Variants in RALYL observed in about 807,000 individuals in gnomAD.
RALYL encodes the protein RALY RNA binding protein like.
A neutral mutation model predicts 35.1 loss-of-function variants in RALYL; 29 were observed. That is an observed-to-expected ratio of 0.83 (90% CI 0.61 to 1.13). RALYL has a LOEUF of 1.13. RALYL is among the 50% of genes most tolerant of loss of function. The pLI is 0.00. For synonymous variants in RALYL, 120 were observed against 127.6 expected (o/e 0.94, Z 0.40); for missense variants, 359 against 360.4 (o/e 1.00, Z 0.03).
chr8:84,203,480 C>G (rs929071510), intron 1 of RALYL, among the ~76,000 whole-genome samples: 1 of 152,054 alleles, frequency 6.6e-6, no homozygotes, highest in Non-Finnish European at 1.5e-5. Flanking sequence ...AGTGGTGCTG[C>G]TTAAAATATA....
At chr8:84,489,915 G>A (rs1397490303) in intron 1 of RALYL, among the ~76,000 whole-genome samples, 2 of 151,956 alleles carry the variant, frequency 1.3e-5, no homozygotes, top group African/African-American at 2.4e-5. Flanking sequence ...CAAGAAACAG[G>A]CCGAATTAGG....
At chr8:84,759,670 A>C (rs569579183) in intron 2 of RALYL, among the ~76,000 whole-genome samples, 2 of 152,298 alleles carry the variant, frequency 1.3e-5, no homozygotes, top group East Asian at 3.9e-4. Flanking sequence ...CAGGTTACTC[A>C]TCTCTTTTGC....
chr8:84,747,781 A>C (rs10092646), intron 2 of RALYL, among the ~76,000 whole-genome samples: 40,833 of 151,806 alleles, frequency 0.27, 5,900 homozygotes, highest in African/African-American at 0.35. Context: ...TACTTAGGAA[A>C]AGAGTTACTA....
intron 1 of RALYL, among the ~76,000 whole-genome samples, chr8:84,305,727 A>G (rs1841661439): frequency 6.6e-6 from 1 of 152,190 alleles, no homozygotes; most frequent in South Asian, 2.1e-4. Flanking sequence ...GTTGGTTGGT[A>G]ATTGAATATA....
chr8:84,721,092 G>A (rs1025729691), intron 2 of RALYL, among the ~76,000 whole-genome samples: 2 of 151,940 alleles, frequency 1.3e-5, no homozygotes, highest in South Asian at 2.1e-4. Context: ...ATAAGATGGG[G>A]CAAGATGGCT....
In RALYL at chr8:84,543,495, T is replaced by TA. The variant is rs1419987256; in HGVS notation, c.256+13926dup. Among the ~76,000 whole-genome samples, 24 of 126,566 alleles carry TA rather than the reference T, an allele frequency of 1.9e-4. 2 individuals carry two copies. The South Asian group carries it at 5.7e-3, about 30-fold the overall frequency. 83.0% of individuals were successfully genotyped at this position (126,566 alleles called of 152,430 possible). A position where few individuals can be genotyped will look rare whatever the true frequency, so the allele number is the denominator to read the frequency against. Reference sequence around the variant, plus strand: ...TCTGTTCCCCAAAAATCTATGGAAATAAAAAAAATAAAAAAAAACAACTTA... The same window carrying TA: ...TCTGTTCCCCAAAAATCTATGGAAATAAAAAAAAATAAAAAAAAACAACTTA... On this transcript the variant is annotated intron_variant, in intron 2 of 8. Transcript: ENST00000521268.
intron 1 of RALYL, among the ~76,000 whole-genome samples, chr8:84,196,699 C>G (rs1310801040): frequency 6.6e-6 from 1 of 152,040 alleles, no homozygotes; most frequent in Non-Finnish European, 1.5e-5. Context: ...TTTTCAAACT[C>G]CTTTTGGCAT....
intron 1 of RALYL, among the ~76,000 whole-genome samples, chr8:84,233,622 C>T (rs1324878298): frequency 6.6e-6 from 1 of 152,172 alleles, no homozygotes; most frequent in Non-Finnish European, 1.5e-5. Flanking sequence ...AAACTCAAAA[C>T]CCTGGAGTTT....
chr8:84,785,144 C>T (rs1296279358), intron 3 of RALYL, among the ~76,000 whole-genome samples: 4 of 152,154 alleles, frequency 2.6e-5, no homozygotes, highest in Middle Eastern at 3.4e-3. Flanking sequence ...ATAATTTTAA[C>T]TTTTGTTTTA....
rs1823345243 is a variant in RALYL at position 84,628,956 on chromosome 8, AC to A, written c.256+99380del. On this transcript the variant is annotated intron_variant, in intron 2 of 8. Coordinates refer to ENST00000521268, the MANE Select transcript of RALYL (RefSeq NM_173848.7). ...AACAGATAATCTAATAGGCATAGAT[AC>A]AAAAAATAACTGCCATTATAGACAT... 2.0e-5 allele frequency among the ~76,000 whole-genome samples: 3 copies of A among 152,214 alleles called. No homozygotes were observed. The South Asian group carries it at 6.2e-4, about 32-fold the overall frequency.
chr8:84,728,133 C>G (rs1412173750), intron 2 of RALYL, among the ~76,000 whole-genome samples: 1 of 151,382 alleles, frequency 6.6e-6, no homozygotes, highest in Non-Finnish European at 1.5e-5. Context: ...TCTCCAGCAC[C>G]TGTTGTTTCC....
intron 1 of RALYL, among the ~76,000 whole-genome samples, chr8:84,405,717 C>A (rs2043405586): frequency 6.6e-6 from 1 of 151,686 alleles, no homozygotes; most frequent in Non-Finnish European, 1.5e-5. Context: ...TCTTCAAATA[C>A]ACTAATATAT....
chr8:84,268,699 G>C (rs1306735180), intron 1 of RALYL, among the ~76,000 whole-genome samples: 1 of 152,184 alleles, frequency 6.6e-6, no homozygotes, highest in East Asian at 1.9e-4. Flanking sequence ...TTTCTACTGA[G>C]AGTGATTGTT....
intron 1 of RALYL, among the ~76,000 whole-genome samples, chr8:84,386,705 C>T (rs1859277069): frequency 6.6e-6 from 1 of 151,848 alleles, no homozygotes; most frequent in Admixed American, 6.6e-5. Context: ...CACTTAAATT[C>T]ATCCATTGAC....
intron 1 of RALYL, among the ~76,000 whole-genome samples, chr8:84,219,921 C>A (rs940531217): frequency 1.3e-5 from 2 of 151,938 alleles, no homozygotes; most frequent in African/African-American, 4.8e-5. Flanking sequence ...GACAAACATT[C>A]TTCTGATGCC....
chr8:84,414,206 G>A (rs918106309), intron 1 of RALYL, among the ~76,000 whole-genome samples: 5 of 151,962 alleles, frequency 3.3e-5, no homozygotes, highest in Admixed American at 3.3e-4. Flanking sequence ...TTTCATATCT[G>A]TTAATATAAA....
chr8:84,752,409 A>T (rs979552948), intron 2 of RALYL, among the ~76,000 whole-genome samples: 46 of 152,292 alleles, frequency 3.0e-4, no homozygotes, highest in Admixed American at 2.7e-3. Flanking sequence ...AATTTGAAAA[A>T]TTTGCAACCT....
chr8:84,217,089 A>G (rs1361972391), intron 1 of RALYL, among the ~76,000 whole-genome samples: 1 of 152,152 alleles, frequency 6.6e-6, no homozygotes, highest in Non-Finnish European at 1.5e-5. Context: ...CCCTGAACAC[A>G]GCTTAGCCTC....
At chr8:84,911,028 G>C (rs375516164) in intron 8 of RALYL, among the ~76,000 whole-genome samples, 1 of 152,040 alleles carries the variant, frequency 6.6e-6, no homozygotes, top group African/African-American at 2.4e-5. Flanking sequence ...AACTTAAAGA[G>C]AGTAACTATA....
Sources: allele counts gnomAD v4.1 joint callset (sites outside exome capture counted in the v4.1 genomes callset), GRCh38; gene constraint gnomAD v4.1.1; transcripts MANE v1.5; gene names NCBI Gene and HGNC (gene_info 2026-07-23, HGNC 2026-07-21).